KCNK9: variants seen among roughly 807,000 people sequenced by gnomAD.
KCNK9 encodes the protein potassium channel subfamily K member 9.
A neutral mutation model predicts 10.8 loss-of-function variants in KCNK9; 1 was observed. The observed-to-expected ratio is 0.09, with a 90% CI of 0.03 to 0.44. KCNK9 has a LOEUF of 0.44. KCNK9 is among the 20% of genes least tolerant of loss of function. The pLI, the probability that KCNK9 is intolerant of heterozygous loss-of-function variation, is 0.97. For missense variants in KCNK9, 303 were observed against 515.0 expected (o/e 0.59, Z 3.98); for synonymous variants, 231 against 222.7 (o/e 1.04, Z -0.33).
At chr8:139,657,662 C>A (rs1471192731) in intron 1 of KCNK9, among the ~76,000 whole-genome samples, 1 of 152,192 alleles carries the variant, frequency 6.6e-6, no homozygotes, top group African/African-American at 2.4e-5. Context: ...GAGCATAGGG[C>A]GTTGACTGGG....
At chr8:139,631,301 C>A (rs950520170) in intron 1 of KCNK9, among the ~76,000 whole-genome samples, 3 of 152,180 alleles carry the variant, frequency 2.0e-5, no homozygotes, top group Non-Finnish European at 4.4e-5. Flanking sequence ...GGCGCTGGGC[C>A]GGGGACTGCG....
intron 1 of KCNK9, among the ~76,000 whole-genome samples, chr8:139,622,871 C>T (rs542206050): frequency 1.3e-5 from 2 of 152,336 alleles, no homozygotes; most frequent in African/African-American, 4.8e-5. Flanking sequence ...CTTCAGAGTA[C>T]ACACAGTGTA....
rs1458791401 is a variant in KCNK9 at position 139,677,197 on chromosome 8, G to A, written c.283+25513C>T. Among the ~76,000 whole-genome samples, 3 of 152,134 alleles carry A rather than the reference G, an allele frequency of 2.0e-5. No homozygotes were observed. The East Asian group carries it at 5.8e-4, about 29-fold the overall frequency. Reference sequence around the variant, plus strand: ...CAATTAAAGGTTGATGCTGGGCACAGCAGGTGGTGTAGCGGCTGCACCTGT... The same window carrying A: ...CAATTAAAGGTTGATGCTGGGCACAACAGGTGGTGTAGCGGCTGCACCTGT... On this transcript the variant is annotated intron_variant, in intron 1 of 1. Transcript: ENST00000520439.
At chr8:139,660,359 C>A (rs1167989773) in intron 1 of KCNK9, among the ~76,000 whole-genome samples, 1 of 151,984 alleles carries the variant, frequency 6.6e-6, no homozygotes, top group Admixed American at 6.5e-5. Context: ...AGTCCCAGCA[C>A]TTTGGGAGGC....
intron 1 of KCNK9, among the ~76,000 whole-genome samples, chr8:139,671,565 CA>C (rs1816427946): frequency 6.8e-6 from 1 of 147,924 alleles, no homozygotes; most frequent in Non-Finnish European, 1.5e-5. Context: ...GGCTAGAGTG[CA>C]GTAGCACAAT....
At chr8:139,685,463 T>C (rs764426713) in intron 1 of KCNK9, among the ~76,000 whole-genome samples, 37 of 152,164 alleles carry the variant, frequency 2.4e-4, no homozygotes, top group Non-Finnish European at 4.9e-4. Flanking sequence ...CCCCAGTGTG[T>C]AATGTTCCCT....
chr8:139,664,444 A>G (rs1816247291), intron 1 of KCNK9, among the ~76,000 whole-genome samples: 1 of 151,516 alleles, frequency 6.6e-6, no homozygotes, highest in South Asian at 2.1e-4. Context: ...GCCTTAACAT[A>G]TCACTGCAAG....
At chr8:139,682,027 C>T (rs1816698863) in intron 1 of KCNK9, among the ~76,000 whole-genome samples, 1 of 152,234 alleles carries the variant, frequency 6.6e-6, no homozygotes, top group African/African-American at 2.4e-5. Flanking sequence ...GGAGGAAGAA[C>T]GGCAAGTTCA....
At chr8:139,701,520 CAGG>C (rs1817219324) in intron 1 of KCNK9, among the ~76,000 whole-genome samples, 1 of 151,800 alleles carries the variant, frequency 6.6e-6, no homozygotes. Flanking sequence ...AGAAGCGAGA[CAGG>C]AGGAGCTGGG....
chr8:139,683,100 C>T (rs983337760), intron 1 of KCNK9, among the ~76,000 whole-genome samples: 1 of 152,178 alleles, frequency 6.6e-6, no homozygotes, highest in African/African-American at 2.4e-5. Flanking sequence ...CAGCAAATGT[C>T]CACCTGATAG....
In KCNK9 at chr8:139,618,181, G is replaced by T. The variant is rs1814658170; in HGVS notation, c.*77C>A. 2 of 1,553,202 alleles carry T rather than the reference G, an allele frequency of 1.3e-6. No individual in the cohort carries two copies. Among genetic ancestry groups the T allele is most frequent in the Non-Finnish European group, 1.8e-6 (2 of 1,128,886 alleles). ...GACAATAATAATAATAAATAAATAA[G>T]AAAAGACGAGTTGGACCAATGGAAA... On this transcript the variant is annotated 3_prime_UTR_variant, in exon 2 of 2. Transcript: ENST00000520439. This position sits in a 1 kb window ranked among gnomAD's most constrained non-coding sequence, Gnocchi z 7.9.
intron 1 of KCNK9, among the ~76,000 whole-genome samples, chr8:139,633,488 G>T (rs1160961121): frequency 6.6e-6 from 1 of 152,112 alleles, no homozygotes; most frequent in African/African-American, 2.4e-5. Flanking sequence ...ACTAATAGGT[G>T]GCAGTCTTGG....
chr8:139,622,980 C>G (rs1367414364), intron 1 of KCNK9, among the ~76,000 whole-genome samples: 1 of 152,152 alleles, frequency 6.6e-6, no homozygotes, highest in African/African-American at 2.4e-5. Context: ...TACAGCGCAC[C>G]CATATTCACC....
chr8:139,606,385 A>G (rs1563709386), intron 2 of KCNK9, among the ~76,000 whole-genome samples: 1 of 152,106 alleles, frequency 6.6e-6, no homozygotes, highest in Non-Finnish European at 1.5e-5. Context: ...GAGAGGAGGA[A>G]CACAAAAATC....
chr8:139,690,743 A>T (rs1291334574), intron 1 of KCNK9, among the ~76,000 whole-genome samples: 2 of 152,098 alleles, frequency 1.3e-5, no homozygotes, highest in Non-Finnish European at 2.9e-5. Context: ...TTGAGGAGAG[A>T]TTTGGGTTCA....
intron 1 of KCNK9, among the ~76,000 whole-genome samples, chr8:139,669,091 T>C (rs1228425773): frequency 6.8e-6 from 1 of 147,758 alleles, no homozygotes; most frequent in Non-Finnish European, 1.5e-5. Flanking sequence ...ACAATATACA[T>C]ACCTCAATTA....
intron 1 of KCNK9, among the ~76,000 whole-genome samples, chr8:139,677,168 C>A (rs571461488): frequency 2.0e-5 from 3 of 152,214 alleles, no homozygotes; most frequent in Middle Eastern, 3.4e-3. Flanking sequence ...CCCCCTGTGG[C>A]CACCAATTAA....
At chr8:139,606,972 C>T (rs1015794893) in intron 2 of KCNK9, among the ~76,000 whole-genome samples, 1 of 152,110 alleles carries the variant, frequency 6.6e-6, no homozygotes, top group East Asian at 1.9e-4. Context: ...TCCCCCACAT[C>T]CCCCCGCAAC....
intron 1 of KCNK9, among the ~76,000 whole-genome samples, chr8:139,632,948 A>T (rs748676785): frequency 6.6e-6 from 1 of 151,936 alleles, no homozygotes; most frequent in Non-Finnish European, 1.5e-5. Context: ...AGACAGGCCC[A>T]CCCCGCTTAT....
Sources: gnomAD v4.1 joint callset for allele counts (sites outside exome capture counted in the v4.1 genomes callset) on GRCh38, gnomAD v4.1.1 for gene constraint, Gnocchi (gnomAD v3.1) non-coding constraint, MANE v1.5 for transcripts, NCBI Gene and HGNC (gene_info 2026-07-23, HGNC 2026-07-21) for gene names.